The following DOCK7 variants were observed in gnomAD, a reference collection of about 807,000 sequenced individuals.
DOCK7 encodes the protein dedicator of cytokinesis 7.
Under a neutral mutation model 271.0 loss-of-function variants are expected in DOCK7, and 138 were observed. The observed-to-expected ratio is 0.51, with a 90% confidence interval of 0.44 to 0.59. The LOEUF is 0.59. Among genes scored for constraint, DOCK7 ranks in the 20% least tolerant of loss-of-function variants. The probability of loss-of-function intolerance (pLI) is 0.00; values close to 1 mark genes in which losing one functional copy is unlikely to be tolerated. For synonymous variants in DOCK7, 823 were observed against 876.1 expected, an observed-to-expected ratio of 0.94 and a Z score of 1.07; for missense variants, 2,066 against 2,592.4, an observed-to-expected ratio of 0.80 and a Z score of 4.41.
intron 14 of DOCK7, chr1:62,608,659 A>C (rs1651349244): frequency 6.6e-6 from 1 of 152,202 alleles, no homozygotes; most frequent in South Asian, 2.1e-4. Flanking sequence ...ATTTTAGTGA[A>C]TTACTGAAAA....
chr1:62,504,719 G>A lies in DOCK7; in HGVS notation c.4675C>T (p.Arg1559Ter). The A allele has an allele frequency of 6.2e-6, 10 of 1,614,070 alleles. No individual in the cohort carries two copies. Among genetic ancestry groups the A allele is most frequent in the Non-Finnish European group, 8.5e-6 (10 of 1,180,002 alleles). Residue 1559 changes from arginine to a stop codon, truncating the protein, a stop_gained, in exon 37 of 50, where the codon CGA becomes TGA. Coordinates refer to ENST00000635253, the MANE Select transcript of DOCK7 (RefSeq NM_001367561.1). LOFTEE classifies it high-confidence loss of function. ...QCADLCLRLL[R>*]HCSSSIGTIR... The stretch of plus-strand genomic sequence containing the variant: ...GTACCGATGCTACTGCTACAGTGTC[G>A]GAGAAGCCTGAGGCATAAATCAGCA...
chr1:62,555,945 T>A lies in DOCK7; in HGVS notation c.2476A>T (p.Asn826Tyr). Residue 826 changes from asparagine (N) to tyrosine (Y), a missense_variant, in exon 21 of 50, where the codon AAT becomes TAT. By Grantham distance (143) the Asn-to-Tyr change is moderately radical. Transcript: ENST00000635253. ...CCTTCCAAGTTTTTGTGAAGTCGAT[T>A]TATAATTGATGCCATGGCTTCAAAA... ...ASFEAMASII[N>Y]RLHKNLEGNH... The A allele has an allele frequency of 6.2e-7, 1 of 1,613,912 alleles. No individual in the cohort carries two copies. Among genetic ancestry groups the A allele is most frequent in the Non-Finnish European group, 8.5e-7 (1 of 1,179,934 alleles).
chr1:62,645,083 C>T (rs980195489), intron 7 of DOCK7, among the ~76,000 whole-genome samples: 1 of 152,078 alleles, frequency 6.6e-6, no homozygotes, highest in African/African-American at 2.4e-5. Context: ...AAATTAGAAT[C>T]ATCCTAACTT....
Position 62,455,189 on chromosome 1 carries a change from T to A in DOCK7, c.*225A>T. On this transcript the variant is annotated 3_prime_UTR_variant, in exon 50 of 50. Coordinates refer to ENST00000635253, the MANE Select transcript of DOCK7 (RefSeq NM_001367561.1). ...GGTAAATGTATAGTGTACCTTTGAG[T>A]CATTAAAATGTCTTAAAAGATAACA... is the stretch of plus-strand genomic sequence containing the variant. 1 of 642,496 alleles carries A rather than the reference T, an allele frequency of 1.6e-6. No individual in the cohort carries two copies. Among genetic ancestry groups the A allele is most frequent in the East Asian group, 2.7e-5 (1 of 36,868 alleles). 39.8% of individuals were successfully genotyped at this position (642,496 alleles called of 1,614,324 possible). A position where few individuals can be genotyped will look rare whatever the true frequency, so the allele number is the denominator to read the frequency against.
intron 1 of DOCK7, among the ~76,000 whole-genome samples, chr1:62,670,897 A>G (rs982882706): frequency 1.2e-4 from 18 of 152,136 alleles, no homozygotes; most frequent in Non-Finnish European, 7.4e-5. Flanking sequence ...CGCTCTTTGC[A>G]ATAAATCTTG....
intron 2 of DOCK7, among the ~76,000 whole-genome samples, chr1:62,658,662 G>A (rs1216728861): frequency 6.6e-6 from 1 of 151,868 alleles, no homozygotes; most frequent in Non-Finnish European, 1.5e-5. Flanking sequence ...GAAGAATGAA[G>A]GGGAAGGCCG....
intron 48 of DOCK7, among the ~76,000 whole-genome samples, chr1:62,470,451 G>T (rs529636102): frequency 1.3e-5 from 2 of 152,096 alleles, no homozygotes; most frequent in East Asian, 3.9e-4. Flanking sequence ...ATAAAAGACT[G>T]GGATGAGGGA....
At chr1:62,492,087 T>C (rs10789112) in intron 41 of DOCK7, among the ~76,000 whole-genome samples, 50,310 of 151,652 alleles carry the variant, frequency 0.33, 8,517 homozygotes, top group South Asian at 0.42. Context: ...GGTGTGCCCC[T>C]GTGCCCCTGT....
At chr1:62,548,060 G>A (rs1645769115) in intron 22 of DOCK7, among the ~76,000 whole-genome samples, 1 of 151,918 alleles carries the variant, frequency 6.6e-6, no homozygotes, top group Admixed American at 6.6e-5. Flanking sequence ...TATCTACTGA[G>A]CACCTTGAAT....
chr1:62,602,193 C>T (rs777921428), intron 14 of DOCK7: 153 of 1,033,110 alleles, frequency 1.5e-4, no homozygotes, highest in Non-Finnish European at 2.2e-4. Context: ...CCTTACAAAA[C>T]CACCAATTAA....
intron 43 of DOCK7, among the ~76,000 whole-genome samples, chr1:62,480,398 T>C (rs1646086310): frequency 6.6e-6 from 1 of 152,192 alleles, no homozygotes; most frequent in Non-Finnish European, 1.5e-5. Context: ...TCTTCAGTAA[T>C]AGGAAAGTAA....
chr1:62,601,226 A>T, intron 14 of DOCK7: 1 of 1,406,576 alleles, frequency 7.1e-7, no homozygotes. Flanking sequence ...TTCCTTCTTG[A>T]AGCTATTATT....
chr1:62,634,748 C>G, intron 9 of DOCK7, 25 bp downstream of exon 9: 1 of 1,593,306 alleles, frequency 6.3e-7, no homozygotes, highest in Admixed American at 1.7e-5. Context: ...ACAAAATAAA[C>G]AAATATATTT....
At chr1:62,624,521 A>T (rs916050033) in intron 12 of DOCK7, among the ~76,000 whole-genome samples, 1 of 152,160 alleles carries the variant, frequency 6.6e-6, no homozygotes, top group Non-Finnish European at 1.5e-5. Flanking sequence ...TTTTAGCACA[A>T]AATGCACTCC....
At chr1:62,643,553 C>T (rs866229899) in intron 7 of DOCK7, among the ~76,000 whole-genome samples, 3 of 152,074 alleles carry the variant, frequency 2.0e-5, no homozygotes, top group Non-Finnish European at 4.4e-5. Context: ...AATACAGTTT[C>T]TTGGTTTTGT....
intron 38 of DOCK7, chr1:62,495,988 A>G (rs2149302388): frequency 5.7e-6 from 2 of 351,812 alleles, no homozygotes; most frequent in Admixed American, 4.8e-5. Flanking sequence ...TCTCTCCTAT[A>G]TTTCTGATTT....
chr1:62,542,798 A>G, intron 24 of DOCK7, 95 bp from the exon 25 acceptor site: 1 of 1,118,334 alleles, frequency 8.9e-7, no homozygotes, highest in East Asian at 2.5e-5. Context: ...ATATAATGAG[A>G]ATAAGCAAAA....
Position 62,622,854 on chromosome 1 carries a change from C to T in DOCK7, c.1425+2405G>A, listed in dbSNP as rs1243078745. ...CTGAGACAGGAGAATGGCATGAACC[C>T]AGGAGGCGGAGCTTACAGTGAGCCG... On this transcript the variant is annotated intron_variant, in intron 12 of 49. Transcript: ENST00000635253. 2.0e-5 allele frequency among the ~76,000 whole-genome samples: 3 copies of T among 152,036 alleles called. 1 individual carries two copies. Among genetic ancestry groups the T allele is most frequent in the Non-Finnish European group, 4.4e-5 (3 of 67,982 alleles).
intron 48 of DOCK7, among the ~76,000 whole-genome samples, chr1:62,473,468 T>C (rs1645886618): frequency 6.6e-6 from 1 of 152,232 alleles, no homozygotes; most frequent in Non-Finnish European, 1.5e-5. Flanking sequence ...ATTAAATACA[T>C]GGCACTATAG....
Sources: gnomAD v4.1 joint callset for allele counts (sites outside exome capture counted in the v4.1 genomes callset) on GRCh38, gnomAD v4.1.1 for gene constraint, MANE v1.5 for transcripts, NCBI Gene and HGNC (gene_info 2026-07-23, HGNC 2026-07-21) for gene names.